Variants in EPN2 observed in about 807,000 individuals in gnomAD.
EPN2 encodes epsin 2.
In EPN2, 34 loss-of-function variants were observed where a neutral mutation model predicts 61.7. That is an observed-to-expected ratio of 0.55 (90% CI 0.42 to 0.73). The LOEUF (loss-of-function observed/expected upper bound fraction) is 0.73. Among genes scored for constraint, EPN2 ranks in the 30% least tolerant of loss-of-function variants. The pLI is 0.00. For missense variants in EPN2, 714 were observed against 839.2 expected, an observed-to-expected ratio of 0.85 and a Z score of 1.84; for synonymous variants, 349 against 353.6, an observed-to-expected ratio of 0.99 and a Z score of 0.15.
intron 1 of EPN2, among the ~76,000 whole-genome samples, chr17:19,251,694 A>C (rs548246387): frequency 3.9e-5 from 6 of 152,226 alleles, no homozygotes; most frequent in African/African-American, 1.4e-4. Context: ...TTGGCTTCCC[A>C]AAGTGTTGGG....
intron 7 of EPN2, among the ~76,000 whole-genome samples, chr17:19,322,751 A>C (rs1906697744): frequency 6.6e-6 from 1 of 151,964 alleles, no homozygotes. Flanking sequence ...AAAAAAAAAA[A>C]AAAAAAAAGG....
rs78673106 is a variant in EPN2 at position 19,266,914 on chromosome 17, C to T, written c.-293-15041C>T. 6.1e-3 allele frequency among the ~76,000 whole-genome samples: 897 copies of T among 148,212 alleles called. 47 individuals carry two copies. In the East Asian group the frequency reaches 0.11, roughly 19 times the overall value. On this transcript the variant is annotated intron_variant, in intron 1 of 10. Transcript: ENST00000314728. Reference sequence around the variant, plus strand: ...TTGAAAACACTGAACCTGCCGGGCACGGTGGCTCAGGCCTGTAATCCCAGC... The same window carrying T: ...TTGAAAACACTGAACCTGCCGGGCATGGTGGCTCAGGCCTGTAATCCCAGC...
At chr17:19,246,038 C>T (rs144742541) in intron 1 of EPN2, among the ~76,000 whole-genome samples, 15 of 152,116 alleles carry the variant, frequency 9.9e-5, no homozygotes, top group African/African-American at 3.4e-4. Flanking sequence ...CGTGAGCTAT[C>T]GCACCCAGCT....
Position 19,283,425 on chromosome 17 carries a change from C to T in EPN2, c.306C>T (p.Ala102=), listed in dbSNP as rs371807837. 12 of 1,614,096 alleles carry T rather than the reference C, an allele frequency of 7.4e-6. No homozygotes were observed. Among genetic ancestry groups the T allele is most frequent in the Non-Finnish European group, 1.0e-5 (12 of 1,180,038 alleles). ...AGCAGTGCCGGGAGAACATCTTCGC[C>T]ATCCAGACCCTGAAGGACTTCCAGT... ...VAQQCRENIF[A]IQTLKDFQYI... The change falls in exon 3 of 11, where the codon GCC becomes GCT. Residue 102 remains alanine (A), a synonymous_variant. Coordinates refer to ENST00000314728, the MANE Select transcript of EPN2 (RefSeq NM_014964.5). The surrounding 1 kb of genome is among the most constrained non-coding windows in gnomAD (Gnocchi z 7.0).
chr17:19,309,785 G>A (rs1035674811), intron 4 of EPN2, 100 bp from the exon 5 acceptor site: 1 of 874,706 alleles, frequency 1.1e-6, no homozygotes, highest in Non-Finnish European at 1.9e-6. Context: ...GACCTTGCGG[G>A]TTTGAGATGG....
chr17:19,287,014 G>A (rs1209599598), intron 4 of EPN2, among the ~76,000 whole-genome samples: 10 of 152,072 alleles, frequency 6.6e-5, no homozygotes. Context: ...TACCCATTTG[G>A]TAACTGACAA....
chr17:19,320,642 C>T (rs1489887031), intron 7 of EPN2, among the ~76,000 whole-genome samples: 5 of 152,178 alleles, frequency 3.3e-5, no homozygotes, highest in African/African-American at 9.7e-5. Context: ...CCAAGAAGAA[C>T]CATGGTTGAG....
In EPN2 at chr17:19,283,088, A is replaced by G; in HGVS notation, c.-32A>G. 1 of 1,538,850 alleles carries G rather than the reference A, an allele frequency of 6.5e-7. No homozygotes were observed. The highest frequency in any genetic ancestry group is 8.9e-7 in the Non-Finnish European group (1 of 1,126,858). ...AGGACAGGAAGGTTTCTCTGTTTGA[A>G]GGGCTTTAAACTTATAACAAAGAAA... On this transcript the variant is annotated 5_prime_UTR_variant, in exon 3 of 11. Coordinates refer to ENST00000314728, the MANE Select transcript of EPN2 (RefSeq NM_014964.5). This position sits in a 1 kb window ranked among gnomAD's most constrained non-coding sequence, Gnocchi z 7.0.
intron 1 of EPN2, among the ~76,000 whole-genome samples, chr17:19,253,539 T>C (rs191817952): frequency 4.2e-4 from 64 of 150,814 alleles, no homozygotes; most frequent in Middle Eastern, 3.4e-3. Flanking sequence ...CTCAGCCTCC[T>C]GAGTAGCTGG....
At position 19,309,933 on chromosome 17, in the gene EPN2, C is replaced by G; in HGVS notation, c.815C>G (p.Thr272Ser). 6.2e-7 allele frequency: 1 copy of G among 1,609,660 alleles called. No homozygotes were observed. The highest frequency in any genetic ancestry group is 8.5e-7 in the Non-Finnish European group (1 of 1,180,016). The part of the protein sequence containing the change: ...SSELEQARPQ[T>S]SGEEELQLQL... ...GAGCTGGAGCAAGCCCGGCCCCAGACTAGTGGAGAAGAGGAGCTTCAGCTG... is the reference window on the plus strand; with the variant it reads ...GAGCTGGAGCAAGCCCGGCCCCAGAGTAGTGGAGAAGAGGAGCTTCAGCTG... Residue 272 changes from threonine (T) to serine (S), a missense_variant, in exon 5 of 11, where the codon ACT (threonine) becomes AGT (serine). Thr to Ser is a moderately conservative substitution (Grantham distance 58). Coordinates refer to ENST00000314728, the MANE Select transcript of EPN2 (RefSeq NM_014964.5).
At chr17:19,262,748 C>G (rs1043619532) in intron 1 of EPN2, among the ~76,000 whole-genome samples, 7 of 151,396 alleles carry the variant, frequency 4.6e-5, no homozygotes, top group African/African-American at 1.7e-4. Context: ...ATTTCCCCTC[C>G]CATTCTCTCC....
intron 1 of EPN2, among the ~76,000 whole-genome samples, chr17:19,260,911 T>C (rs1047196986): frequency 6.6e-6 from 1 of 152,174 alleles, no homozygotes; most frequent in Non-Finnish European, 1.5e-5. Flanking sequence ...TTTTAACTTA[T>C]TGTAGAGATT....
At chr17:19,307,821 C>A in intron 4 of EPN2, 1 of 777,470 alleles carries the variant, frequency 1.3e-6, no homozygotes, top group Non-Finnish European at 1.6e-6. Flanking sequence ...TTCTGTGGAT[C>A]CCGTCTGTGG....
At chr17:19,291,202 G>A (rs746113430) in intron 4 of EPN2, among the ~76,000 whole-genome samples, 3 of 152,218 alleles carry the variant, frequency 2.0e-5, no homozygotes, top group Non-Finnish European at 2.9e-5. Context: ...AATTTGGTTT[G>A]ATACTGTGCA....
rs1222270324 is a variant in EPN2, at chr17:19,305,117, GT to G, written c.767-4744del. 1.3e-3 allele frequency among the ~76,000 whole-genome samples: 187 copies of G among 145,458 alleles called. 3 individuals are homozygous for G. Among genetic ancestry groups the G allele is most frequent in the Middle Eastern group, 3.7e-3 (1 of 272 alleles). The stretch of plus-strand genomic sequence containing the variant: ...CTGTAAAATGTAAAAATATACTTTG[GT>G]TTTTTTTTTTTTTTTTTTTTTTTGA... On this transcript the variant is annotated intron_variant, in intron 4 of 10. Coordinates refer to ENST00000314728, the MANE Select transcript of EPN2 (RefSeq NM_014964.5).
intron 1 of EPN2, among the ~76,000 whole-genome samples, chr17:19,280,469 G>T (rs1165169721): frequency 6.6e-6 from 1 of 152,064 alleles, no homozygotes; most frequent in Non-Finnish European, 1.5e-5. Context: ...TTTATCCCTG[G>T]TCCTTTCACA....
chr17:19,329,777 C>T (rs1482374731), intron 9 of EPN2, 130 bp downstream of exon 9: 2 of 619,574 alleles, frequency 3.2e-6, no homozygotes, highest in South Asian at 4.3e-5. Context: ...TCTTGGGAGC[C>T]TGAAGTTTCT....
Position 19,327,844 on chromosome 17 carries a change from G to A in EPN2, c.1148-867G>A, listed in dbSNP as rs568959718. On this transcript the variant is annotated intron_variant, in intron 7 of 10. Transcript: ENST00000314728. ...AGTTCATAATGGTTGGGGTAGGAAT[G>A]TCATTGGGGAGGCACTTTCTGGTCC... Among the ~76,000 whole-genome samples, 3 of 152,318 alleles carry A rather than the reference G, an allele frequency of 2.0e-5. No homozygotes were observed. The South Asian group carries it at 6.2e-4, about 32-fold the overall frequency.
intron 7 of EPN2, among the ~76,000 whole-genome samples, chr17:19,321,251 C>T (rs1906623956): frequency 6.6e-6 from 1 of 152,174 alleles, no homozygotes. Context: ...TGACCACCAA[C>T]ACTCAGACCC....
Sources: allele counts gnomAD v4.1 joint callset (sites outside exome capture counted in the v4.1 genomes callset), GRCh38; gene constraint gnomAD v4.1.1; non-coding constraint Gnocchi (gnomAD v3.1); transcripts MANE v1.5; gene names NCBI Gene and HGNC (gene_info 2026-07-23, HGNC 2026-07-21).